JPH3: variants seen among roughly 807,000 people sequenced by gnomAD.
JPH3 encodes junctophilin 3, also known as junctophilin-3.
In JPH3, 11 loss-of-function variants were observed where a neutral mutation model predicts 59.6. The ratio of observed to expected loss-of-function variants is 0.18; its 90% CI spans 0.12 to 0.31. JPH3 has a LOEUF of 0.31. Among genes scored for constraint, JPH3 ranks in the 10% least tolerant of loss-of-function variants. The pLI, the probability that JPH3 is intolerant of heterozygous loss-of-function variation, is 1.00. For synonymous variants in JPH3, 673 were observed against 483.6 expected (o/e 1.39, Z -5.14); for missense variants, 1,202 against 1,105.7 (o/e 1.09, Z -1.24).
chr16:87,615,829 G>A (rs542394883), intron 1 of JPH3, among the ~76,000 whole-genome samples: 11 of 152,312 alleles, frequency 7.2e-5, no homozygotes, highest in African/African-American at 2.6e-4. Flanking sequence ...GCGAGTGGGG[G>A]AAGAGACCGG....
Position 87,696,621 on chromosome 16 carries a change from C to T in JPH3, c.2208C>T (p.Asn736=), listed in dbSNP as rs1275098511. 1.9e-6 allele frequency: 3 copies of T among 1,613,704 alleles called. No individual in the cohort carries two copies. Among genetic ancestry groups the T allele is most frequent in the South Asian group, 2.2e-5 (2 of 91,080 alleles). The change falls in exon 5 of 5, where the codon AAC becomes AAT. Residue 736 remains asparagine, a synonymous_variant. Transcript: ENST00000284262. The part of the protein sequence containing the change: ...PILVVMVILL[N]IGVAILFINF... ...TGGTGGTCATGGTGATCTTGCTCAACATCGGAGTCGCCATTCTGTTTATTA... is the reference window on the plus strand; with the variant it reads ...TGGTGGTCATGGTGATCTTGCTCAATATCGGAGTCGCCATTCTGTTTATTA...
chr16:87,666,919 C>G (rs999554298), intron 2 of JPH3, among the ~76,000 whole-genome samples: 2 of 152,238 alleles, frequency 1.3e-5, no homozygotes, highest in Non-Finnish European at 1.5e-5. Flanking sequence ...GCCGTCGGCT[C>G]CTGGGCCTGT....
chr16:87,678,888 G>A (rs535688050), intron 2 of JPH3, among the ~76,000 whole-genome samples: 2 of 152,374 alleles, frequency 1.3e-5, no homozygotes, highest in Non-Finnish European at 2.9e-5. Flanking sequence ...CAGCTGGAGA[G>A]AGGATGGATG....
chr16:87,635,860 G>A (rs2031724772), intron 1 of JPH3, among the ~76,000 whole-genome samples: 2 of 152,228 alleles, frequency 1.3e-5, no homozygotes, highest in Admixed American at 6.5e-5. Context: ...CCTGTGTGCG[G>A]AGGCAGCACC....
At position 87,684,163 on chromosome 16, in the gene JPH3, G is replaced by A. The variant is rs1396329054; in HGVS notation, c.1182G>A (p.Lys394=). ...AASRTSHSRA[K]AEAALTAAQK... ...CCAGGACCTCCCACTCTCGGGCAAA[G>A]GCCGAGGCAGCCCTCACAGCAGCTC... Residue 394 remains lysine, a synonymous_variant, in exon 3 of 5, where the codon AAG becomes AAA. Coordinates refer to ENST00000284262, the MANE Select transcript of JPH3 (RefSeq NM_020655.4). 3 of 1,613,600 alleles carry A rather than the reference G, an allele frequency of 1.9e-6. No homozygotes were observed. The highest frequency in any genetic ancestry group is 2.5e-6 in the Non-Finnish European group (3 of 1,179,996).
chr16:87,639,369 C>G (rs982218082), intron 1 of JPH3, among the ~76,000 whole-genome samples: 1 of 152,174 alleles, frequency 6.6e-6, no homozygotes, highest in Non-Finnish European at 1.5e-5. Context: ...CCTCATGGCT[C>G]CACCAGACCC....
intron 4 of JPH3, 152 bp from the exon 5 acceptor site, chr16:87,696,428 G>A: frequency 4.6e-6 from 3 of 652,986 alleles, no homozygotes; most frequent in East Asian, 5.3e-5. Context: ...GTTCTGGTGG[G>A]CCTTTGGTGT....
intron 2 of JPH3, among the ~76,000 whole-genome samples, chr16:87,668,616 G>C (rs1597278117): frequency 6.6e-6 from 1 of 152,332 alleles, no homozygotes; most frequent in East Asian, 1.9e-4. Flanking sequence ...AGCTGAGCCA[G>C]GGCACGGGTG....
At chr16:87,620,210 T>C (rs537183112) in intron 1 of JPH3, among the ~76,000 whole-genome samples, 38 of 152,020 alleles carry the variant, frequency 2.5e-4, no homozygotes, top group African/African-American at 9.2e-4. Context: ...TGGGTGGCTA[T>C]GTCCACACTG....
chr16:87,612,773 T>C (rs1597234383), intron 1 of JPH3, among the ~76,000 whole-genome samples: 1 of 152,226 alleles, frequency 6.6e-6, no homozygotes, highest in Admixed American at 6.5e-5. Context: ...CCCAGCACTT[T>C]GGGAGGCCGA....
intron 1 of JPH3, among the ~76,000 whole-genome samples, chr16:87,641,306 C>A (rs1053023455): frequency 6.6e-6 from 1 of 152,100 alleles, no homozygotes; most frequent in African/African-American, 2.4e-5. Context: ...TCACTGGAGT[C>A]GGAGGTTGCT....
In JPH3 at chr16:87,690,101, G is replaced by A. The variant is rs866181370; in HGVS notation, c.1741G>A (p.Val581Met). Residue 581 changes from valine (V) to methionine (M), a missense_variant, in exon 4 of 5, where the codon GTG (valine) becomes ATG (methionine). Coordinates refer to ENST00000284262, the MANE Select transcript of JPH3 (RefSeq NM_020655.4). ...GGAGCGGCGGACGGAGTCACCCCCC[G>A]TGTTCACGTGGACTTCCCACCACCG... ...PRERRTESPP[V>M]FTWTSHHRAS... The A allele has an allele frequency of 4.5e-6, 7 of 1,571,742 alleles. No homozygotes were observed. Among genetic ancestry groups the A allele is most frequent in the African/African-American group, 4.1e-5 (3 of 73,464 alleles).
intron 2 of JPH3, among the ~76,000 whole-genome samples, chr16:87,647,713 A>T (rs893180129): frequency 6.6e-6 from 1 of 152,066 alleles, no homozygotes. Flanking sequence ...CACACCACTC[A>T]CGGCCTCCTC....
chr16:87,614,981 C>T (rs1326198270), intron 1 of JPH3, among the ~76,000 whole-genome samples: 8 of 94,284 alleles, frequency 8.5e-5, no homozygotes, highest in African/African-American at 3.1e-4. Context: ...CGAGGAGCCG[C>T]GCGTCCCCTC....
chr16:87,636,053 T>TGGGCAGCTTGCG lies in JPH3; in HGVS notation c.383-8195_383-8184dup, dbSNP rs543338631. 4.7e-3 allele frequency among the ~76,000 whole-genome samples: 716 copies of TGGGCAGCTTGCG among 152,208 alleles called. 6 individuals carry two copies. The highest frequency in any genetic ancestry group is 0.017 in the African/African-American group (691 of 41,538). ...AGACCCTCGCGGCGGCCCACAGAGA[T>TGGGCAGCTTGCG]GGGCAGCTTGCGGGGCAGCTTTGTC... On this transcript the variant is annotated intron_variant, in intron 1 of 4. Coordinates refer to ENST00000284262, the MANE Select transcript of JPH3 (RefSeq NM_020655.4).
At chr16:87,657,365 A>C (rs374906504) in intron 2 of JPH3, among the ~76,000 whole-genome samples, 3 of 152,162 alleles carry the variant, frequency 2.0e-5, no homozygotes, top group Admixed American at 2.0e-4. Flanking sequence ...TCATGGGGAC[A>C]GGGAGTGGAC....
At chr16:87,691,292 A>AGGAATGAAGGGCTTTG (rs1226633089) in intron 4 of JPH3, among the ~76,000 whole-genome samples, 12 of 152,162 alleles carry the variant, frequency 7.9e-5, no homozygotes, top group African/African-American at 2.4e-5. Flanking sequence ...CCAGTGCTGC[A>AGGAATGAAGGGCTTTG]GGAATGAAGG....
At chr16:87,685,525 A>C (rs1433857775) in intron 3 of JPH3, among the ~76,000 whole-genome samples, 3 of 152,218 alleles carry the variant, frequency 2.0e-5, no homozygotes, top group African/African-American at 7.2e-5. Flanking sequence ...GGTGGGGCGC[A>C]CACTTGGGGG....
chr16:87,669,908 G>C (rs1274208273), intron 2 of JPH3, among the ~76,000 whole-genome samples: 3 of 152,168 alleles, frequency 2.0e-5, no homozygotes, highest in Non-Finnish European at 4.4e-5. Flanking sequence ...CTCGGTGAGG[G>C]CCGGACTGCA....
Sources: gnomAD v4.1 joint callset for allele counts (sites outside exome capture counted in the v4.1 genomes callset) on GRCh38, gnomAD v4.1.1 for gene constraint, MANE v1.5 for transcripts, NCBI Gene and HGNC (gene_info 2026-07-23, HGNC 2026-07-21) for gene names.